The following CDH13 variants were observed in gnomAD, a reference collection of about 807,000 sequenced individuals.
The protein encoded by CDH13 is cadherin-13.
In CDH13, 24 loss-of-function variants were observed where a neutral mutation model predicts 63.8. The observed-to-expected ratio is 0.38, with a 90% CI of 0.27 to 0.53. The LOEUF is 0.53. Among genes scored for constraint, CDH13 ranks in the 20% least tolerant of loss-of-function variants. The probability of loss-of-function intolerance (pLI) is 0.85; values close to 1 mark genes in which losing one functional copy is unlikely to be tolerated. For synonymous variants in CDH13, 503 were observed against 355.3 expected (o/e 1.42, Z -4.67); for missense variants, 1,049 against 903.1 (o/e 1.16, Z -2.07).
At chr16:82,641,912 G>C (rs1909447061) in intron 1 of CDH13, among the ~76,000 whole-genome samples, 2 of 152,250 alleles carry the variant, frequency 1.3e-5, no homozygotes, top group Non-Finnish European at 1.5e-5. Context: ...TGAAGAATGA[G>C]AAAGCAGGCG....
rs66957563 is a variant in CDH13, at chr16:83,337,621, A to ATTTTTTTTTTTTTTTTTTT, written c.637-7230_637-7212dup. Among the ~76,000 whole-genome samples the ATTTTTTTTTTTTTTTTTTT allele has an allele frequency of 7.7e-5, 4 of 52,282 alleles. 1 individual carries two copies. Among genetic ancestry groups the ATTTTTTTTTTTTTTTTTTT allele is most frequent in the Admixed American group, 3.8e-4 (1 of 2,644 alleles). The allele number at this position is 52,282 out of a possible 152,430, so 34.3% of individuals were successfully genotyped here. On this transcript the variant is annotated intron_variant, in intron 5 of 13. Transcript: ENST00000567109. The stretch of plus-strand genomic sequence containing the variant: ...ATTTGAGAATTAAATTGACAAGCGT[A>ATTTTTTTTTTTTTTTTTTT]TTTTTTTTTTTTTTTTTTTTTTTTT...
chr16:83,715,890 G>C (rs956502736), intron 10 of CDH13, among the ~76,000 whole-genome samples: 5 of 152,028 alleles, frequency 3.3e-5, no homozygotes, highest in African/African-American at 1.2e-4. Context: ...TCCTGGGTGG[G>C]GAAAAAAACA....
At chr16:83,007,249 T>A (rs1913623997) in intron 2 of CDH13, among the ~76,000 whole-genome samples, 1 of 152,326 alleles carries the variant, frequency 6.6e-6, no homozygotes, top group South Asian at 2.1e-4. Flanking sequence ...ATCATAGTGA[T>A]GTTATGTTCA....
intron 1 of CDH13, among the ~76,000 whole-genome samples, chr16:82,667,282 G>C (rs1275820981): frequency 6.6e-6 from 1 of 152,208 alleles, no homozygotes; most frequent in East Asian, 1.9e-4. Context: ...ATTCCAGAGA[G>C]TGAGAGTGAA....
intron 11 of CDH13, among the ~76,000 whole-genome samples, chr16:83,768,137 A>G (rs1258349396): frequency 6.6e-6 from 1 of 152,136 alleles, no homozygotes; most frequent in Non-Finnish European, 1.5e-5. Flanking sequence ...TTACATTTTT[A>G]TATATGTCTT....
chr16:82,946,951 C>A (rs144106808), intron 2 of CDH13, among the ~76,000 whole-genome samples: 2 of 151,612 alleles, frequency 1.3e-5, no homozygotes, highest in Non-Finnish European at 2.9e-5. Flanking sequence ...TGGATACATA[C>A]AATCAAATTG....
chr16:83,512,663 G>A (rs56002760), intron 7 of CDH13, among the ~76,000 whole-genome samples: 3,041 of 145,458 alleles, frequency 0.021, 39 homozygotes, highest in Non-Finnish European at 0.031. Context: ...GTGAGACTCC[G>A]TCTCAATAAT....
chr16:83,588,038 C>A (rs149835300), intron 7 of CDH13, among the ~76,000 whole-genome samples: 26 of 151,990 alleles, frequency 1.7e-4, no homozygotes, highest in African/African-American at 6.0e-4. Flanking sequence ...CCATCCCGTA[C>A]ACCTGGAGAT....
chr16:83,191,524 CACACACATATAT>C (rs1197358354), intron 4 of CDH13, among the ~76,000 whole-genome samples: 3,909 of 100,440 alleles, frequency 0.039, 230 homozygotes, highest in African/African-American at 0.14. Flanking sequence ...CACACACACA[CACACACATATAT>C]ATATATATAT....
intron 1 of CDH13, chr16:82,773,378 G>C (rs973291329): frequency 1.3e-5 from 2 of 152,280 alleles, no homozygotes; most frequent in Non-Finnish European, 2.9e-5. Flanking sequence ...TCTGGAAGTG[G>C]AAGGCTGCCA....
At chr16:82,842,593 A>G (rs61015054) in intron 1 of CDH13, among the ~76,000 whole-genome samples, 2 of 152,170 alleles carry the variant, frequency 1.3e-5, no homozygotes, top group East Asian at 1.9e-4. Context: ...GAAGTCCCCA[A>G]CTTTTTGGCA....
intron 5 of CDH13, among the ~76,000 whole-genome samples, chr16:83,294,441 A>G (rs2089539934): frequency 6.6e-6 from 1 of 151,976 alleles, no homozygotes; most frequent in Non-Finnish European, 1.5e-5. Flanking sequence ...TCTACTCACT[A>G]CTTCTGTGAG....
chr16:83,084,240 G>C (rs767653179), intron 3 of CDH13, among the ~76,000 whole-genome samples: 7 of 152,240 alleles, frequency 4.6e-5, no homozygotes, highest in Non-Finnish European at 8.8e-5. Flanking sequence ...GTGTGTGACT[G>C]TGGCGAATTT....
chr16:83,327,460 A>G (rs2090390034), intron 5 of CDH13, among the ~76,000 whole-genome samples: 1 of 152,198 alleles, frequency 6.6e-6, no homozygotes, highest in South Asian at 2.1e-4. Flanking sequence ...CTTCTTTATA[A>G]ACTCAAAGCC....
At chr16:83,567,598 T>C (rs1904294641) in intron 7 of CDH13, among the ~76,000 whole-genome samples, 1 of 152,154 alleles carries the variant, frequency 6.6e-6, no homozygotes, top group African/African-American at 2.4e-5. Context: ...TTGTTTTTTG[T>C]TTTTGTTTTT....
chr16:83,271,106 A>G (rs896696103), intron 5 of CDH13, among the ~76,000 whole-genome samples: 4 of 151,922 alleles, frequency 2.6e-5, no homozygotes, highest in African/African-American at 9.7e-5. Flanking sequence ...ATAAAATCCT[A>G]TAATTGCCTC....
chr16:83,256,906 C>G (rs1409351627), intron 5 of CDH13, among the ~76,000 whole-genome samples: 2 of 150,768 alleles, frequency 1.3e-5, no homozygotes, highest in Admixed American at 6.6e-5. Flanking sequence ...TGCTCCCTGG[C>G]TTTCCCTCTC....
At chr16:83,783,500 A>T in intron 13 of CDH13, 28 bp downstream of exon 13, 1 of 1,563,960 alleles carries the variant, frequency 6.4e-7, no homozygotes, top group Non-Finnish European at 8.8e-7. Context: ...CAGTGCATGC[A>T]CAAACAGGAA....
intron 6 of CDH13, among the ~76,000 whole-genome samples, chr16:83,366,769 A>G (rs574944489): frequency 1.3e-5 from 2 of 152,256 alleles, no homozygotes; most frequent in Non-Finnish European, 2.9e-5. Context: ...GAATTGCTGG[A>G]AAGTCTGAAA....
Sources: allele counts gnomAD v4.1 joint callset (sites outside exome capture counted in the v4.1 genomes callset), GRCh38; gene constraint gnomAD v4.1.1; transcripts MANE v1.5; gene names NCBI Gene and HGNC (gene_info 2026-07-23, HGNC 2026-07-21).